Variants in NHEJ1 observed in about 807,000 individuals in gnomAD.
NHEJ1 encodes the protein non-homologous end-joining factor 1.
Under a neutral mutation model 39.4 loss-of-function variants are expected in NHEJ1, and 22 were observed. That is an observed-to-expected ratio of 0.56 (90% CI 0.40 to 0.80). The LOEUF is 0.80. Ranked by LOEUF, NHEJ1 falls within the 30% of genes least tolerant of loss-of-function variation. The pLI is 0.00. For missense variants in NHEJ1, 329 were observed against 357.1 expected (o/e 0.92, Z 0.63); for synonymous variants, 154 against 135.6 (o/e 1.14, Z -0.94).
At chr2:219,083,711 A>G (rs1949087069) in intron 5 of NHEJ1, among the ~76,000 whole-genome samples, 1 of 152,244 alleles carries the variant, frequency 6.6e-6, no homozygotes, top group South Asian at 2.1e-4. Context: ...GAGAGAATCG[A>G]GTAAGTGCCC....
chr2:219,145,313 T>C (rs184812015), intron 5 of NHEJ1, among the ~76,000 whole-genome samples: 34 of 152,344 alleles, frequency 2.2e-4, no homozygotes, highest in Non-Finnish European at 3.5e-4. Context: ...TTCTTCAGAC[T>C]TACAATTGCT....
chr2:219,091,412 T>A (rs1949158787), intron 5 of NHEJ1, among the ~76,000 whole-genome samples: 1 of 151,948 alleles, frequency 6.6e-6, no homozygotes, highest in South Asian at 2.1e-4. Context: ...ATGGTCGGTA[T>A]CGGGCAAGAA....
At chr2:219,139,568 C>T (rs1195310129) in intron 5 of NHEJ1, among the ~76,000 whole-genome samples, 1 of 152,238 alleles carries the variant, frequency 6.6e-6, no homozygotes, top group African/African-American at 2.4e-5. Flanking sequence ...ACTGCAACAT[C>T]ATGAGAGACA....
chr2:219,095,210 G>A (rs1231716183), intron 5 of NHEJ1: 4 of 447,656 alleles, frequency 8.9e-6, no homozygotes, highest in South Asian at 6.4e-5. Flanking sequence ...CCTAACTACC[G>A]ACGTGGCTTT....
Position 219,075,163 on chromosome 2 carries a change from T to C in NHEJ1, c.*1218A>G, listed in dbSNP as rs962419563. ...GGGCTTAAATTCTGGCTGTCACTTATTAGCTGTATGACCTTTGATAAGTCA... is the reference window on the plus strand; with the variant it reads ...GGGCTTAAATTCTGGCTGTCACTTACTAGCTGTATGACCTTTGATAAGTCA... On this transcript the variant is annotated 3_prime_UTR_variant, in exon 8 of 8. Transcript: ENST00000356853. Among the ~76,000 whole-genome samples the C allele has an allele frequency of 2.6e-5, 4 of 152,226 alleles. No individual in the cohort carries two copies. The highest frequency in any genetic ancestry group is 4.8e-5 in the African/African-American group (2 of 41,452).
intron 5 of NHEJ1, among the ~76,000 whole-genome samples, chr2:219,078,742 C>A (rs939532161): frequency 6.6e-6 from 1 of 152,182 alleles, no homozygotes; most frequent in Non-Finnish European, 1.5e-5. Context: ...ATTTTCCATT[C>A]CCCACTGCTG....
At chr2:219,091,139 G>C (rs1949156642) in intron 5 of NHEJ1, among the ~76,000 whole-genome samples, 1 of 152,094 alleles carries the variant, frequency 6.6e-6, no homozygotes, top group African/African-American at 2.4e-5. Context: ...TGTATCTGTG[G>C]AAAAAGTTTT....
chr2:219,156,127 T>C (rs1284234224), intron 3 of NHEJ1, among the ~76,000 whole-genome samples: 1 of 150,264 alleles, frequency 6.7e-6, no homozygotes, highest in Non-Finnish European at 1.5e-5. Flanking sequence ...CAGGCACCTG[T>C]AGTCTCAGCT....
intron 5 of NHEJ1, among the ~76,000 whole-genome samples, chr2:219,130,294 C>T (rs1192405092): frequency 1.3e-5 from 2 of 152,150 alleles, no homozygotes; most frequent in East Asian, 3.8e-4. Context: ...GTACAATGGT[C>T]ATTTGATTCA....
intron 5 of NHEJ1, among the ~76,000 whole-genome samples, chr2:219,146,169 C>T (rs1481214179): frequency 1.3e-5 from 2 of 152,174 alleles, no homozygotes; most frequent in Non-Finnish European, 2.9e-5. Context: ...CAATTATCTA[C>T]TCCCCATTCA....
chr2:219,153,324 A>G (rs950459417), intron 3 of NHEJ1, among the ~76,000 whole-genome samples: 2 of 152,216 alleles, frequency 1.3e-5, no homozygotes, highest in Non-Finnish European at 2.9e-5. Context: ...GGTGGAGTTG[A>G]GTTACAAATT....
In NHEJ1 at chr2:219,111,075, T is replaced by C. The variant is rs1387720385; in HGVS notation, c.589-32869A>G. On this transcript the variant is annotated intron_variant, in intron 5 of 7. Coordinates refer to ENST00000356853, the MANE Select transcript of NHEJ1 (RefSeq NM_024782.3). The surrounding 1 kb of genome is among the most constrained non-coding windows in gnomAD (Gnocchi z 4.1). The stretch of plus-strand genomic sequence containing the variant: ...GTTCCTTTAAATAAAACATCACCCA[T>C]CCTCACAAAATCCTTGTAAGGAACA... Among the ~76,000 whole-genome samples, 4 of 152,100 alleles carry C rather than the reference T, an allele frequency of 2.6e-5. No homozygotes were observed. Among genetic ancestry groups the C allele is most frequent in the African/African-American group, 9.7e-5 (4 of 41,394 alleles).
At position 219,073,638 on chromosome 2, in the gene NHEJ1, G is replaced by C. The variant is rs1198038035; in HGVS notation, c.*2743C>G. On this transcript the variant is annotated 3_prime_UTR_variant, in exon 8 of 8. Transcript: ENST00000356853. ...TGCAGGAACTTCCTCGAGGTCCCAA[G>C]TCCTGCTCCTGGTTTGCTGGCTTGC... 6.6e-6 allele frequency among the ~76,000 whole-genome samples: 1 copy of C among 152,194 alleles called. No individual in the cohort carries two copies. The highest frequency in any genetic ancestry group is 1.5e-5 in the Non-Finnish European group (1 of 68,038).
At chr2:219,080,546 T>TAA (rs770621909) in intron 5 of NHEJ1, among the ~76,000 whole-genome samples, 3,060 of 134,768 alleles carry the variant, frequency 0.023, 79 homozygotes, top group Non-Finnish European at 0.029. Flanking sequence ...AATAAATAAA[T>TAA]AAAAATATAT....
At chr2:219,141,391 G>C (rs1266801539) in intron 5 of NHEJ1, among the ~76,000 whole-genome samples, 1 of 145,538 alleles carries the variant, frequency 6.9e-6, no homozygotes, top group Admixed American at 6.7e-5. Context: ...AAAAAAAAAA[G>C]CAGGGGGGGA....
intron 5 of NHEJ1, among the ~76,000 whole-genome samples, chr2:219,140,596 G>GT (rs1390255477): frequency 6.6e-6 from 1 of 152,270 alleles, no homozygotes; most frequent in South Asian, 2.1e-4. Context: ...TGACTCCAAG[G>GT]TTTTTTCACC....
rs146000603 is a variant in NHEJ1 at position 219,101,893 on chromosome 2, T to C, written c.589-23687A>G. 6.6e-5 allele frequency among the ~76,000 whole-genome samples: 10 copies of C among 152,096 alleles called. No homozygotes were observed. In the East Asian group the frequency reaches 1.9e-3, roughly 30 times the overall value. On this transcript the variant is annotated intron_variant, in intron 5 of 7. Transcript: ENST00000356853. ...GGCATGTGCCACCACGTCCAGCTAATTTTTTGTATTTTAGCGGAGATGGCG... is the reference window on the plus strand; with the variant it reads ...GGCATGTGCCACCACGTCCAGCTAACTTTTTGTATTTTAGCGGAGATGGCG...
At chr2:219,158,762 G>A (rs1949882339) in intron 1 of NHEJ1, 3 of 247,234 alleles carry the variant, frequency 1.2e-5, no homozygotes, top group Admixed American at 1.0e-4. Context: ...CCCAGAACTA[G>A]AAGAGAAGGA....
chr2:219,151,560 A>G (rs113280940), intron 3 of NHEJ1, among the ~76,000 whole-genome samples: 38 of 152,262 alleles, frequency 2.5e-4, no homozygotes, highest in Non-Finnish European at 4.8e-4. Flanking sequence ...GGGTTACAGC[A>G]TTTTGAATTA....
Sources: allele counts gnomAD v4.1 joint callset (sites outside exome capture counted in the v4.1 genomes callset), GRCh38; gene constraint gnomAD v4.1.1; non-coding constraint Gnocchi (gnomAD v3.1); transcripts MANE v1.5; gene names NCBI Gene and HGNC (gene_info 2026-07-23, HGNC 2026-07-21).